Variants in SH3GL2 observed in about 807,000 individuals in gnomAD.
SH3GL2 encodes SH3 domain containing GRB2 like 2, endophilin A1.
Under a neutral mutation model 46.0 loss-of-function variants are expected in SH3GL2, and 24 were observed. That is an observed-to-expected ratio of 0.52 (90% CI 0.38 to 0.73). The LOEUF (loss-of-function observed/expected upper bound fraction) is 0.73, where lower values mean the gene tolerates loss of function less well. SH3GL2 is among the 30% of genes least tolerant of loss of function. The pLI, the probability that SH3GL2 is intolerant of heterozygous loss-of-function variation, is 0.00. For synonymous variants in SH3GL2, 196 were observed against 147.1 expected, an observed-to-expected ratio of 1.33 and a Z score of -2.40; for missense variants, 413 against 424.2, an observed-to-expected ratio of 0.97 and a Z score of 0.23.
intron 1 of SH3GL2, among the ~76,000 whole-genome samples, chr9:17,730,798 C>A (rs1205142151): frequency 1.3e-5 from 2 of 149,364 alleles, no homozygotes; most frequent in Non-Finnish European, 3.0e-5. Context: ...CAACAAAGTG[C>A]AAAATTTTCA....
chr9:17,744,697 C>T (rs1187384820), intron 1 of SH3GL2, among the ~76,000 whole-genome samples: 6 of 152,120 alleles, frequency 3.9e-5, no homozygotes, highest in African/African-American at 1.2e-4. Flanking sequence ...TTCTAACCCC[C>T]GCACCCAATT....
intron 3 of SH3GL2, among the ~76,000 whole-genome samples, chr9:17,775,401 A>G (rs1823614167): frequency 6.6e-6 from 1 of 152,108 alleles, no homozygotes; most frequent in African/African-American, 2.4e-5. Flanking sequence ...TCTGTACTTC[A>G]TTTTCCATCT....
At chr9:17,744,847 T>C (rs1010839210) in intron 1 of SH3GL2, among the ~76,000 whole-genome samples, 1 of 152,076 alleles carries the variant, frequency 6.6e-6, no homozygotes, top group Admixed American at 6.5e-5. Context: ...ACTGCTGAAA[T>C]AGGGGATCAT....
In SH3GL2 at chr9:17,689,656, A is replaced by T. The variant is rs147935004; in HGVS notation, c.46-57410A>T. Among the ~76,000 whole-genome samples the T allele has an allele frequency of 4.1e-4, 62 of 152,044 alleles. No homozygotes were observed. The South Asian group carries it at 7.7e-3, about 19-fold the overall frequency. On this transcript the variant is annotated intron_variant, in intron 1 of 8. Coordinates refer to ENST00000380607, the MANE Select transcript of SH3GL2 (RefSeq NM_003026.5). The stretch of plus-strand genomic sequence containing the variant: ...CTGGTTGCTGTCCCTTGAATATGCA[A>T]GGTTATTCCTGCCTTTCATTTGCCA...
chr9:17,651,192 A>G (rs913097595), intron 1 of SH3GL2, among the ~76,000 whole-genome samples: 3 of 152,102 alleles, frequency 2.0e-5, no homozygotes, highest in African/African-American at 7.2e-5. Context: ...AAAAATGTCT[A>G]AGCCATTTTT....
intron 1 of SH3GL2, among the ~76,000 whole-genome samples, chr9:17,674,505 A>G (rs10810820): frequency 0.27 from 41,295 of 151,988 alleles, 6,766 homozygotes; most frequent in East Asian, 0.52. Flanking sequence ...ACCTCAAACA[A>G]TCTGCCCACC....
chr9:17,687,623 A>G (rs575912148), intron 1 of SH3GL2, among the ~76,000 whole-genome samples: 11 of 152,280 alleles, frequency 7.2e-5, no homozygotes, highest in Middle Eastern at 3.4e-3. Context: ...AAAACAAACT[A>G]TAACATACAT....
Position 17,797,045 on chromosome 9 carries a change from A to C in SH3GL2, c.*1302A>C, listed in dbSNP as rs1435552971. 6.6e-6 allele frequency: 1 copy of C among 152,602 alleles called. No homozygotes were observed. The highest frequency in any genetic ancestry group is 1.5e-5 in the Non-Finnish European group (1 of 68,046). The allele number at this position is 152,602 out of a possible 1,614,324, so 9.5% of individuals were successfully genotyped here. A position where few individuals can be genotyped will look rare whatever the true frequency, so the allele number is the denominator to read the frequency against. On this transcript the variant is annotated 3_prime_UTR_variant, in exon 9 of 9. Coordinates refer to ENST00000380607, the MANE Select transcript of SH3GL2 (RefSeq NM_003026.5). ...GCAGTAGTGGATCATGTGGAGTGAA[A>C]GGCAAATCTTACTGCTTAATGTATA...
intron 1 of SH3GL2, among the ~76,000 whole-genome samples, chr9:17,705,229 AAGTC>A (rs1347677681): frequency 1.3e-5 from 2 of 152,096 alleles, no homozygotes; most frequent in African/African-American, 4.8e-5. Flanking sequence ...TGTTATCAAA[AAGTC>A]AGACAATAAC....
At chr9:17,643,372 T>G (rs1249239682) in intron 1 of SH3GL2, among the ~76,000 whole-genome samples, 1 of 151,996 alleles carries the variant, frequency 6.6e-6, no homozygotes, top group Non-Finnish European at 1.5e-5. Context: ...TTGAATACCT[T>G]TATTTCTTTC....
intron 1 of SH3GL2, among the ~76,000 whole-genome samples, chr9:17,725,077 A>T (rs1341270115): frequency 1.3e-5 from 2 of 151,012 alleles, no homozygotes. Flanking sequence ...ATGAGATTTT[A>T]TTTTATTTTA....
intron 1 of SH3GL2, among the ~76,000 whole-genome samples, chr9:17,618,873 AAGAG>A (rs1164578421): frequency 1.3e-5 from 2 of 151,702 alleles, no homozygotes; most frequent in Non-Finnish European, 2.9e-5. Context: ...ATCTCCTTGC[AAGAG>A]AGAGAGAGAA....
chr9:17,767,617 A>C (rs563792660), intron 3 of SH3GL2, among the ~76,000 whole-genome samples: 1 of 152,192 alleles, frequency 6.6e-6, no homozygotes, highest in Non-Finnish European at 1.5e-5. Flanking sequence ...TGCCTGGTAC[A>C]TTGTTTGCTC....
chr9:17,598,540 A>G (rs1271591901), intron 1 of SH3GL2, among the ~76,000 whole-genome samples: 1 of 152,138 alleles, frequency 6.6e-6, no homozygotes, highest in Non-Finnish European at 1.5e-5. Flanking sequence ...AAGGGGTTTG[A>G]GCCCACCCCC....
At chr9:17,622,977 TTTCCTTTC>T (rs1563786394) in intron 1 of SH3GL2, among the ~76,000 whole-genome samples, 2 of 67,144 alleles carry the variant, frequency 3.0e-5, no homozygotes, top group Admixed American at 1.6e-4. Context: ...TTTCCTTTCG[TTTCCTTTC>T]GTTTCCTTTC....
Position 17,689,801 on chromosome 9 carries a change from A to G in SH3GL2, c.46-57265A>G, listed in dbSNP as rs529939793. 5.8e-4 allele frequency among the ~76,000 whole-genome samples: 88 copies of G among 152,248 alleles called. 1 individual carries two copies. Among genetic ancestry groups the G allele is most frequent in the African/African-American group, 1.6e-3 (66 of 41,570 alleles). On this transcript the variant is annotated intron_variant, in intron 1 of 8. Coordinates refer to ENST00000380607, the MANE Select transcript of SH3GL2 (RefSeq NM_003026.5). ...ATTATAATAGTATCTCCTGCAGTCT[A>G]TAACCACAAAACTTGTGTTCTTTGT...
chr9:17,702,652 T>A (rs916689272), intron 1 of SH3GL2, among the ~76,000 whole-genome samples: 2 of 152,224 alleles, frequency 1.3e-5, no homozygotes, highest in East Asian at 3.9e-4. Flanking sequence ...AGTCCTTTTT[T>A]CCCTCAACAC....
At chr9:17,795,440 A>C in intron 8 of SH3GL2, 104 bp from the exon 9 acceptor site, 1 of 805,376 alleles carries the variant, frequency 1.2e-6, no homozygotes, top group South Asian at 1.7e-5. Context: ...GGGAGGAAAG[A>C]CGGGGAGCAG....
rs913825877 is a variant in SH3GL2, at chr9:17,605,291, G to A, written c.45+26004G>A. 3.9e-5 allele frequency among the ~76,000 whole-genome samples: 6 copies of A among 152,150 alleles called. No individual in the cohort carries two copies. The South Asian group carries it at 1.2e-3, about 32-fold the overall frequency. On this transcript the variant is annotated intron_variant, in intron 1 of 8. Coordinates refer to ENST00000380607, the MANE Select transcript of SH3GL2 (RefSeq NM_003026.5). ...ACTGCAGTAGGCTACAGTTACTTTT[G>A]TTTCCAATCCCAGGTAATAGACATC...
Sources: allele counts gnomAD v4.1 joint callset (sites outside exome capture counted in the v4.1 genomes callset), GRCh38; gene constraint gnomAD v4.1.1; transcripts MANE v1.5; gene names NCBI Gene and HGNC (gene_info 2026-07-23, HGNC 2026-07-21).